The following DLGAP1 variants were observed in gnomAD, a reference collection of about 807,000 sequenced individuals.
DLGAP1 encodes DLG associated protein 1.
In DLGAP1, 11 loss-of-function variants were observed where a neutral mutation model predicts 90.8. The ratio of observed to expected loss-of-function variants is 0.12; its 90% confidence interval spans 0.08 to 0.20. The LOEUF is 0.20. Ranked by LOEUF, DLGAP1 falls within the 10% of genes least tolerant of loss-of-function variation. DLGAP1 has a pLI of 1.00. For missense variants in DLGAP1, 1,050 were observed against 1,333.8 expected (o/e 0.79, Z 3.31); for synonymous variants, 558 against 540.7 (o/e 1.03, Z -0.44).
At chr18:3,838,462 C>A (rs1207487700) in intron 4 of DLGAP1, among the ~76,000 whole-genome samples, 1 of 152,144 alleles carries the variant, frequency 6.6e-6, no homozygotes, top group African/African-American at 2.4e-5. Context: ...ACAAAAAGTT[C>A]AAAACTACAT....
intron 1 of DLGAP1, among the ~76,000 whole-genome samples, chr18:4,246,280 G>GA (rs754042768): frequency 7.3e-4 from 111 of 151,694 alleles, no homozygotes; most frequent in Non-Finnish European, 1.2e-3. Flanking sequence ...TAAAAAAAAG[G>GA]AAAAAAAATA....
intron 2 of DLGAP1, among the ~76,000 whole-genome samples, chr18:4,012,542 AG>A (rs1194457596): frequency 2.0e-5 from 3 of 152,258 alleles, no homozygotes; most frequent in African/African-American, 7.2e-5. Flanking sequence ...CAAGCTACAG[AG>A]GGGGCCTGGG....
intron 8 of DLGAP1, among the ~76,000 whole-genome samples, chr18:3,575,526 G>A (rs908428437): frequency 2.6e-5 from 4 of 152,148 alleles, no homozygotes; most frequent in Non-Finnish European, 5.9e-5. Flanking sequence ...AAAAGACAAT[G>A]TAACCAACTG....
chr18:4,387,299 G>A (rs2100882), intron 1 of DLGAP1, among the ~76,000 whole-genome samples: 6,425 of 152,148 alleles, frequency 0.042, 432 homozygotes, highest in African/African-American at 0.15. Context: ...GTCTGATTGG[G>A]AAATAAGCCA....
intron 1 of DLGAP1, among the ~76,000 whole-genome samples, chr18:4,209,507 G>T (rs1197856154): frequency 1.3e-5 from 2 of 152,120 alleles, no homozygotes; most frequent in Non-Finnish European, 2.9e-5. Flanking sequence ...CATTGAAACG[G>T]ATACAGCTAT....
At chr18:3,802,333 G>A (rs575524685) in intron 5 of DLGAP1, among the ~76,000 whole-genome samples, 7 of 152,284 alleles carry the variant, frequency 4.6e-5, no homozygotes, top group Non-Finnish European at 7.3e-5. Flanking sequence ...TATCTGGCTC[G>A]GCTATCAGTG....
At chr18:3,823,979 T>C (rs12327021) in intron 4 of DLGAP1, among the ~76,000 whole-genome samples, 1,157 of 74,754 alleles carry the variant, frequency 0.015, 11 homozygotes, top group South Asian at 0.052. Flanking sequence ...AAAAAAAAAA[T>C]AGAGGTCTAG....
intron 3 of DLGAP1, among the ~76,000 whole-genome samples, chr18:3,958,959 T>A (rs2073138397): frequency 6.6e-6 from 1 of 152,198 alleles, no homozygotes; most frequent in Non-Finnish European, 1.5e-5. Context: ...ACCTTCCCCT[T>A]TCAAGCATGA....
intron 3 of DLGAP1, among the ~76,000 whole-genome samples, chr18:3,922,516 T>C (rs2148913709): frequency 6.6e-6 from 1 of 152,356 alleles, no homozygotes; most frequent in Non-Finnish European, 1.5e-5. Flanking sequence ...TTTTGTGTCA[T>C]GCACAAAATA....
chr18:3,689,375 AT>A (rs1450275350), intron 7 of DLGAP1, among the ~76,000 whole-genome samples: 1 of 152,192 alleles, frequency 6.6e-6, no homozygotes, highest in African/African-American at 2.4e-5. Context: ...GGTTTCAGGA[AT>A]GTAATTTTAG....
At chr18:3,891,551 T>C (rs1045258127) in intron 3 of DLGAP1, among the ~76,000 whole-genome samples, 2 of 152,114 alleles carry the variant, frequency 1.3e-5, no homozygotes, top group Admixed American at 6.5e-5. Flanking sequence ...CTAGACTTGG[T>C]TGGGAAAACA....
chr18:3,974,392 T>G (rs1341941268), intron 3 of DLGAP1, among the ~76,000 whole-genome samples: 1 of 152,248 alleles, frequency 6.6e-6, no homozygotes, highest in Non-Finnish European at 1.5e-5. Context: ...ATTGCATGTG[T>G]GACTGTATTA....
At chr18:4,394,858 T>C (rs374095981) in intron 1 of DLGAP1, among the ~76,000 whole-genome samples, 3 of 152,204 alleles carry the variant, frequency 2.0e-5, no homozygotes, top group African/African-American at 2.4e-5. Context: ...TTCTCGTCTA[T>C]TGAAAATAAG....
chr18:3,831,757 A>C (rs2068046393), intron 4 of DLGAP1, among the ~76,000 whole-genome samples: 5 of 152,228 alleles, frequency 3.3e-5, no homozygotes, highest in Admixed American at 3.3e-4. Context: ...GCAACTATTT[A>C]TCTCACCACT....
chr18:4,378,001 T>C lies in DLGAP1; in HGVS notation c.-267+77005A>G, dbSNP rs1025581219. 2.6e-5 allele frequency among the ~76,000 whole-genome samples: 4 copies of C among 151,336 alleles called. No individual in the cohort carries two copies. The highest frequency in any genetic ancestry group is 4.4e-5 in the Non-Finnish European group (3 of 67,802). On this transcript the variant is annotated intron_variant, in intron 1 of 12. Coordinates refer to ENST00000315677, the MANE Select transcript of DLGAP1 (RefSeq NM_004746.4). This position sits in a 1 kb window ranked among gnomAD's most constrained non-coding sequence, Gnocchi z 4.5. ...TTGGAGTATGGCCAAATTAAATCCA[T>C]ATTACAGAATGATATGAAATCTATC... is the stretch of plus-strand genomic sequence containing the variant.
chr18:3,951,531 C>T (rs2072984419), intron 3 of DLGAP1, among the ~76,000 whole-genome samples: 1 of 152,120 alleles, frequency 6.6e-6, no homozygotes, highest in Non-Finnish European at 1.5e-5. Flanking sequence ...AATGTATCCA[C>T]TAAATTTTTT....
intron 3 of DLGAP1, among the ~76,000 whole-genome samples, chr18:3,948,060 GC>G (rs2072911441): frequency 6.6e-6 from 1 of 152,252 alleles, no homozygotes; most frequent in Middle Eastern, 3.4e-3. Context: ...GGCTCAGGAA[GC>G]AAAGTACACT....
At chr18:3,534,906 G>T (rs577460685) in intron 9 of DLGAP1, among the ~76,000 whole-genome samples, 3 of 151,846 alleles carry the variant, frequency 2.0e-5, no homozygotes, top group Non-Finnish European at 4.4e-5. Flanking sequence ...TGAACAGGTG[G>T]GTCTCGAACT....
intron 4 of DLGAP1, chr18:3,878,293 T>C (rs1207018882): frequency 6.6e-6 from 1 of 151,502 alleles, no homozygotes; most frequent in Non-Finnish European, 1.5e-5. Flanking sequence ...AGCAAGGAGG[T>C]AGGGAAGAAA....
Sources: gnomAD v4.1 joint callset for allele counts (sites outside exome capture counted in the v4.1 genomes callset) on GRCh38, gnomAD v4.1.1 for gene constraint, Gnocchi (gnomAD v3.1) non-coding constraint, MANE v1.5 for transcripts, NCBI Gene and HGNC (gene_info 2026-07-23, HGNC 2026-07-21) for gene names.